GALNT2: variants seen among roughly 807,000 people sequenced by gnomAD.
GALNT2 encodes UDP-GalNAc:polypeptide N-acetylgalactosaminyltransferase 2.
In GALNT2, 31 loss-of-function variants were observed where a neutral mutation model predicts 81.4. That is an observed-to-expected ratio of 0.38 (90% CI 0.29 to 0.51). The LOEUF (loss-of-function observed/expected upper bound fraction) is 0.51, where lower values mean the gene tolerates loss of function less well. Among genes scored for constraint, GALNT2 ranks in the 20% least tolerant of loss-of-function variants. GALNT2 has a pLI of 0.87. For synonymous variants in GALNT2, 303 were observed against 287.4 expected (o/e 1.05, Z -0.55); for missense variants, 629 against 765.7 (o/e 0.82, Z 2.11).
chr1:230,156,664 A>G (rs1662266827), intron 1 of GALNT2, among the ~76,000 whole-genome samples: 1 of 152,226 alleles, frequency 6.6e-6, no homozygotes, highest in Non-Finnish European at 1.5e-5. Context: ...CAGGGGCAGA[A>G]TGTAACCTGC....
Position 230,157,332 on chromosome 1 carries a change from T to C in GALNT2, c.127-20886T>C, listed in dbSNP as rs563916514. Among the ~76,000 whole-genome samples, 155 of 152,196 alleles carry C rather than the reference T, an allele frequency of 1.0e-3. 1 individual carries two copies. The highest frequency in any genetic ancestry group is 4.8e-3 in the South Asian group (23 of 4,818). ...GCTTTGGGGGGAAAAAAAGCAAAAA[T>C]GCCACCAAGTACTGGCAAGGACATA... is the stretch of plus-strand genomic sequence containing the variant. On this transcript the variant is annotated intron_variant, in intron 1 of 15. Coordinates refer to ENST00000366672, the MANE Select transcript of GALNT2 (RefSeq NM_004481.5).
intron 1 of GALNT2, among the ~76,000 whole-genome samples, chr1:230,073,756 C>T: frequency 6.6e-6 from 1 of 152,216 alleles, no homozygotes; most frequent in Non-Finnish European, 1.5e-5. Flanking sequence ...GGCTGGCTGC[C>T]TGGGGGCTGG....
At chr1:230,131,073 A>G (rs1052468284) in intron 1 of GALNT2, among the ~76,000 whole-genome samples, 1 of 152,216 alleles carries the variant, frequency 6.6e-6, no homozygotes, top group Non-Finnish European at 1.5e-5. Flanking sequence ...CAACAACCTA[A>G]TAAACAAGAT....
In GALNT2 at chr1:230,178,268, C is replaced by T; in HGVS notation, c.177C>T (p.Ser59=). ...DPIKKKDLHH[S]NGEEKAQSME... is the part of the protein sequence containing the mutation. ...TTAAAAAGAAAGACCTTCATCACAG[C>T]AATGGAGAAGAGAAAGCACAAAGCA... The change falls in exon 2 of 16, where the codon AGC becomes AGT. Residue 59 remains serine, a synonymous_variant. Coordinates refer to ENST00000366672, the MANE Select transcript of GALNT2 (RefSeq NM_004481.5). 6.2e-7 allele frequency: 1 copy of T among 1,614,106 alleles called. No homozygotes were observed. The highest frequency in any genetic ancestry group is 8.5e-7 in the Non-Finnish European group (1 of 1,179,994).
At chr1:230,106,282 T>TA (rs1660543574) in intron 1 of GALNT2, among the ~76,000 whole-genome samples, 1 of 152,196 alleles carries the variant, frequency 6.6e-6, no homozygotes, top group African/African-American at 2.4e-5. Context: ...TGCAATTGCC[T>TA]AAAGATTTCA....
intron 1 of GALNT2, among the ~76,000 whole-genome samples, chr1:230,130,479 C>A (rs1661333155): frequency 2.6e-5 from 4 of 152,158 alleles, no homozygotes; most frequent in Admixed American, 2.0e-4. Flanking sequence ...GGTGTTTACC[C>A]CCACTGTTGG....
Position 230,236,414 on chromosome 1 carries a change from A to G in GALNT2, c.535A>G (p.Asn179Asp), listed in dbSNP as rs1665033466. 2.5e-6 allele frequency: 4 copies of G among 1,613,922 alleles called. No individual in the cohort carries two copies. Among genetic ancestry groups the G allele is most frequent in the Admixed American group, 1.7e-5 (1 of 60,000 alleles). Residue 179 changes from asparagine to aspartate, a missense_variant, in exon 5 of 16, where the codon AAT becomes GAT. By Grantham distance (23) the Asn-to-Asp change is conservative. Around this residue, in one of 3 missense-constraint regions of GALNT2, gnomAD observed 360 missense variants for 492.8 expected, o/e 0.73. Transcript: ENST00000366672. Reference sequence around the variant, plus strand: ...AATCATCTTGGTGGATGACTACAGCAATGATCGTGAGTACTGACACTGATT... The same window carrying G: ...AATCATCTTGGTGGATGACTACAGCGATGATCGTGAGTACTGACACTGATT... ...KEIILVDDYS[N>D]DPEDGALLGK...
At chr1:230,130,074 C>T (rs1394116998) in intron 1 of GALNT2, among the ~76,000 whole-genome samples, 1 of 152,250 alleles carries the variant, frequency 6.6e-6, no homozygotes. Context: ...CTGCAGTCCT[C>T]TCTTGTCTCT....
At chr1:230,227,549 T>C (rs1664753107) in intron 3 of GALNT2, among the ~76,000 whole-genome samples, 1 of 149,890 alleles carries the variant, frequency 6.7e-6, no homozygotes, top group African/African-American at 2.5e-5. Flanking sequence ...ATATATATGC[T>C]ATATAATACA....
At chr1:230,075,108 C>G (rs1457450109) in intron 1 of GALNT2, among the ~76,000 whole-genome samples, 4 of 119,448 alleles carry the variant, frequency 3.3e-5, no homozygotes, top group East Asian at 2.5e-4. Context: ...GATAGTAGTG[C>G]TGGTCTGTTT....
intron 1 of GALNT2, among the ~76,000 whole-genome samples, chr1:230,164,285 C>T (rs763067180): frequency 2.6e-5 from 4 of 152,202 alleles, no homozygotes; most frequent in Non-Finnish European, 4.4e-5. Context: ...CGGTGCTTTG[C>T]TTTCTCTCCT....
chr1:230,065,887 CTT>C (rs907966076), upstream of GALNT2, among the ~76,000 whole-genome samples: 1 of 152,176 alleles, frequency 6.6e-6, no homozygotes, highest in Non-Finnish European at 1.5e-5. Context: ...CCTCTCACCT[CTT>C]GTCCCATTTT....
At position 230,067,354 on chromosome 1, in the gene GALNT2, C is replaced by CG; in HGVS notation, c.80dup (p.Gly28ArgfsTer20). 7 of 1,368,998 alleles carry CG rather than the reference C, an allele frequency of 5.1e-6. No homozygotes were observed. Among genetic ancestry groups the CG allele is most frequent in the South Asian group, 5.0e-5 (3 of 59,696 alleles). 84.8% of individuals were successfully genotyped at this position (1,368,998 alleles called of 1,614,324 possible). ...CTGGGCATCGCCTACTACATGTACTCGGGGGGCGGCTCTGCGCTGGCCGGG... is the reference window on the plus strand; with the variant it reads ...CTGGGCATCGCCTACTACATGTACTCGGGGGGGCGGCTCTGCGCTGGCCGGG... On this transcript the variant is annotated frameshift_variant, in exon 1 of 16. Transcript: ENST00000366672. LOFTEE classifies it high-confidence loss of function.
Position 230,090,318 on chromosome 1 carries a change from T to C in GALNT2, c.126+22912T>C, listed in dbSNP as rs541793948. 2.5e-3 allele frequency among the ~76,000 whole-genome samples: 386 copies of C among 152,350 alleles called. 3 individuals carry two copies. The highest frequency in any genetic ancestry group is 7.8e-3 in the African/African-American group (325 of 41,574). ...TGTTGTCAAACTGCCTGTGAGTCAC[T>C]TATCTTCTGGGGGAAAATAAACATA... On this transcript the variant is annotated intron_variant, in intron 1 of 15. Transcript: ENST00000366672.
chr1:230,137,364 C>T (rs1374042002), intron 1 of GALNT2, among the ~76,000 whole-genome samples: 1 of 152,192 alleles, frequency 6.6e-6, no homozygotes, highest in Admixed American at 6.5e-5. Flanking sequence ...GTGTTTGGGC[C>T]AGATGTCCTT....
chr1:230,255,020 C>G (rs914326020), intron 10 of GALNT2, among the ~76,000 whole-genome samples, 198 bp from the exon 11 acceptor site: 1 of 152,196 alleles, frequency 6.6e-6, no homozygotes, highest in African/African-American at 2.4e-5. Flanking sequence ...CCAAGTGTGT[C>G]AAATGTCTCT....
chr1:230,255,448 G>C, intron 11 of GALNT2, 104 bp downstream of exon 11: 1 of 1,459,194 alleles, frequency 6.9e-7, no homozygotes, highest in Non-Finnish European at 9.5e-7. Context: ...AGTGGGTGTG[G>C]TGCATTTATA....
chr1:230,159,044 A>C (rs1259723275), intron 1 of GALNT2, among the ~76,000 whole-genome samples: 1 of 152,206 alleles, frequency 6.6e-6, no homozygotes, highest in African/African-American at 2.4e-5. Context: ...GAGGTTGCTG[A>C]CACTGCTTTT....
chr1:230,274,364 T>C, intron 14 of GALNT2, 81 bp from the exon 15 acceptor site: 1 of 1,549,472 alleles, frequency 6.5e-7, no homozygotes, highest in Non-Finnish European at 8.8e-7. Flanking sequence ...CCATTTCCTT[T>C]TTGAGCCCTC....
Sources: gnomAD v4.1 joint callset for allele counts (sites outside exome capture counted in the v4.1 genomes callset) on GRCh38, gnomAD v4.1.1 for gene constraint, gnomAD v4.1.1 regional missense constraint, MANE v1.5 for transcripts, NCBI Gene and HGNC (gene_info 2026-07-23, HGNC 2026-07-21) for gene names.